Variants in FHIT observed in about 807,000 individuals in gnomAD.
FHIT encodes the protein fragile histidine triad diadenosine triphosphatase, also known as bis(5'-adenosyl)-triphosphatase.
In FHIT, 19 loss-of-function variants were observed where a neutral mutation model predicts 17.9. The ratio of observed to expected loss-of-function variants is 1.06; its 90% CI spans 0.74 to 1.56. The LOEUF (loss-of-function observed/expected upper bound fraction) is 1.56, where lower values mean the gene tolerates loss of function less well. FHIT is among the 40% of genes most tolerant of loss of function. The pLI is 0.00. For synonymous variants in FHIT, 81 were observed against 69.7 expected, an observed-to-expected ratio of 1.16 and a Z score of -0.81; for missense variants, 248 against 189.2, an observed-to-expected ratio of 1.31 and a Z score of -1.82.
chr3:61,212,556 G>T (rs1174419000), intron 1 of FHIT, among the ~76,000 whole-genome samples: 4 of 152,198 alleles, frequency 2.6e-5, no homozygotes, highest in Non-Finnish European at 5.9e-5. Context: ...GGGGAGAATG[G>T]AACCAAGTTG....
chr3:60,593,258 C>G (rs558383690), intron 4 of FHIT, among the ~76,000 whole-genome samples: 19 of 152,194 alleles, frequency 1.2e-4, no homozygotes, highest in African/African-American at 4.3e-4. Flanking sequence ...GACAGGAGAT[C>G]CTTTTTTGTC....
At chr3:60,112,835 G>C (rs557004905) in intron 5 of FHIT, among the ~76,000 whole-genome samples, 1 of 152,266 alleles carries the variant, frequency 6.6e-6, no homozygotes, top group South Asian at 2.1e-4. Context: ...TGTTCTAACA[G>C]TAGAGAAGAA....
At chr3:59,986,326 C>T (rs1015307878) in intron 7 of FHIT, among the ~76,000 whole-genome samples, 1 of 150,918 alleles carries the variant, frequency 6.6e-6, no homozygotes, top group Admixed American at 6.6e-5. Flanking sequence ...TAAGAAACAC[C>T]ACATGTACAA....
Position 61,089,689 on chromosome 3 carries a change from G to C in FHIT, c.-163-47590C>G, listed in dbSNP as rs142942752. Among the ~76,000 whole-genome samples the C allele has an allele frequency of 4.0e-3, 615 of 152,282 alleles. 2 individuals are homozygous for C. Among genetic ancestry groups the C allele is most frequent in the Non-Finnish European group, 6.0e-3 (406 of 68,010 alleles). On this transcript the variant is annotated intron_variant, in intron 2 of 9. Coordinates refer to ENST00000492590, the MANE Select transcript of FHIT (RefSeq NM_002012.4). ...AAGGAGAGATGAAAAGGGGGACTAGGATAGCAGTTGTCATTTCAAAGACTC... is the reference window on the plus strand; with the variant it reads ...AAGGAGAGATGAAAAGGGGGACTAGCATAGCAGTTGTCATTTCAAAGACTC...
chr3:60,460,790 TG>T (rs2032413617), intron 5 of FHIT, among the ~76,000 whole-genome samples: 2 of 152,224 alleles, frequency 1.3e-5, no homozygotes, highest in South Asian at 4.1e-4. Flanking sequence ...CTAAAATAGA[TG>T]CAGGCTGGAA....
rs186649608 is a variant in FHIT, at chr3:60,417,068, G to A, written c.103+119792C>T. Among the ~76,000 whole-genome samples, 1,338 of 148,992 alleles carry A rather than the reference G, an allele frequency of 9.0e-3. 11 individuals carry two copies. Among genetic ancestry groups the A allele is most frequent in the Non-Finnish European group, 0.015 (1,020 of 67,704 alleles). Reference sequence around the variant, plus strand: ...CGCACCACTGCACTCCAGCCTGGTCGACAGAGGGAGACTCCATCTCAGAAA... The same window carrying A: ...CGCACCACTGCACTCCAGCCTGGTCAACAGAGGGAGACTCCATCTCAGAAA... On this transcript the variant is annotated intron_variant, in intron 5 of 9. Transcript: ENST00000492590.
chr3:60,861,709 T>C (rs1703905467), intron 3 of FHIT, among the ~76,000 whole-genome samples: 1 of 151,812 alleles, frequency 6.6e-6, no homozygotes, highest in Non-Finnish European at 1.5e-5. Context: ...AAAAGTGAAA[T>C]GACACTAAAA....
rs73840821 is a variant in FHIT at position 59,784,388 on chromosome 3, G to A, written c.349-32067C>T. ...AGATGGTGCTAGTCAGAGGGTGCTA[G>A]TCAGCCATCTGCTAGCTTCCCTGGC... On this transcript the variant is annotated intron_variant, in intron 8 of 9. Coordinates refer to ENST00000492590, the MANE Select transcript of FHIT (RefSeq NM_002012.4). 6.7e-4 allele frequency among the ~76,000 whole-genome samples: 102 copies of A among 152,360 alleles called. 1 individual carries two copies. The highest frequency in any genetic ancestry group is 2.2e-3 in the African/African-American group (93 of 41,594).
At chr3:61,061,753 A>G (rs910492599) in intron 2 of FHIT, among the ~76,000 whole-genome samples, 4 of 152,120 alleles carry the variant, frequency 2.6e-5, no homozygotes, top group African/African-American at 9.7e-5. Flanking sequence ...ACTCTCAAAT[A>G]TAAAATGATA....
At chr3:59,984,948 G>A (rs1234976554) in intron 7 of FHIT, among the ~76,000 whole-genome samples, 2 of 152,116 alleles carry the variant, frequency 1.3e-5, no homozygotes, top group East Asian at 3.9e-4. Flanking sequence ...ACTAAGCCAG[G>A]TGTGTTGAGG....
intron 4 of FHIT, among the ~76,000 whole-genome samples, chr3:60,734,557 C>T (rs1401770622): frequency 2.0e-5 from 3 of 152,176 alleles, no homozygotes; most frequent in East Asian, 1.9e-4. Flanking sequence ...ATGGCACCAC[C>T]GGCATCCCGC....
At chr3:59,987,139 A>G (rs912924234) in intron 7 of FHIT, among the ~76,000 whole-genome samples, 1 of 144,604 alleles carries the variant, frequency 6.9e-6, no homozygotes, top group Non-Finnish European at 1.5e-5. Flanking sequence ...AAAATATATA[A>G]TTATATAAAT....
intron 3 of FHIT, among the ~76,000 whole-genome samples, chr3:60,865,992 G>A (rs965531594): frequency 6.6e-6 from 1 of 152,058 alleles, no homozygotes; most frequent in Non-Finnish European, 1.5e-5. Context: ...GCTAAGAAGT[G>A]ACTCGGGGAA....
chr3:60,259,315 C>A (rs181723091), intron 5 of FHIT, among the ~76,000 whole-genome samples: 6 of 152,230 alleles, frequency 3.9e-5, no homozygotes, highest in Admixed American at 3.3e-4. Context: ...TCAGACATAG[C>A]AGATGAGCGG....
chr3:59,911,254 G>A (rs1048819614), intron 8 of FHIT, among the ~76,000 whole-genome samples: 1 of 152,032 alleles, frequency 6.6e-6, no homozygotes, highest in Non-Finnish European at 1.5e-5. Context: ...AAATTAATTA[G>A]ATCAGTTGTC....
intron 3 of FHIT, among the ~76,000 whole-genome samples, chr3:60,926,741 C>T (rs1228600443): frequency 6.6e-6 from 1 of 152,122 alleles, no homozygotes; most frequent in Non-Finnish European, 1.5e-5. Context: ...ACAAAAAACC[C>T]TTCAAAAAAT....
chr3:60,075,846 T>C (rs943720376), intron 5 of FHIT, among the ~76,000 whole-genome samples: 5 of 152,122 alleles, frequency 3.3e-5, no homozygotes, highest in African/African-American at 1.2e-4. Flanking sequence ...TCCCCTGTGA[T>C]TTATGCCATA....
chr3:60,766,485 A>AC (rs5849384), intron 4 of FHIT, among the ~76,000 whole-genome samples: 85,853 of 152,004 alleles, frequency 0.56, 25,508 homozygotes, highest in African/African-American at 0.74. Context: ...CTGGGAGTTT[A>AC]CCAGGAAGCT....
intron 3 of FHIT, among the ~76,000 whole-genome samples, chr3:60,860,308 T>A (rs900048260): frequency 1.3e-5 from 2 of 149,104 alleles, no homozygotes; most frequent in African/African-American, 4.9e-5. Context: ...ACATCATATG[T>A]ATACATGAGA....
Sources: allele counts gnomAD v4.1 joint callset (sites outside exome capture counted in the v4.1 genomes callset), GRCh38; gene constraint gnomAD v4.1.1; transcripts MANE v1.5; gene names NCBI Gene and HGNC (gene_info 2026-07-23, HGNC 2026-07-21).